The following WDR72 variants were observed in gnomAD, a reference collection of about 807,000 sequenced individuals.
WDR72 encodes WD repeat-containing protein 72.
In WDR72, 120 loss-of-function variants were observed where a neutral mutation model predicts 124.2. That is an observed-to-expected ratio of 0.97 (90% CI 0.83 to 1.12). WDR72 has a LOEUF of 1.12. Among genes scored for constraint, WDR72 ranks in the 50% most tolerant of loss-of-function variants. The probability of loss-of-function intolerance (pLI) is 0.00; values close to 1 mark genes in which losing one functional copy is unlikely to be tolerated. For synonymous variants in WDR72, 452 were observed against 441.7 expected (o/e 1.02, Z -0.29); for missense variants, 1,387 against 1,278.8 (o/e 1.08, Z -1.29).
chr15:53,678,638 C>T (rs1194964946), intron 13 of WDR72, among the ~76,000 whole-genome samples: 1 of 152,166 alleles, frequency 6.6e-6, no homozygotes, highest in African/African-American at 2.4e-5. Flanking sequence ...AGCCTTTGTC[C>T]TACCCAATTC....
chr15:53,626,070 T>C (rs1024137797), intron 14 of WDR72, among the ~76,000 whole-genome samples: 5 of 152,140 alleles, frequency 3.3e-5, no homozygotes, highest in African/African-American at 1.2e-4. Context: ...AAATTTGACC[T>C]GCCCAAGCTA....
intron 1 of WDR72, among the ~76,000 whole-genome samples, chr15:53,749,740 T>C (rs1037251469): frequency 6.6e-6 from 1 of 152,198 alleles, no homozygotes; most frequent in Admixed American, 6.5e-5. Context: ...AAAGTGCTAC[T>C]ACAGTGAATA....
rs1453460650 is a variant in WDR72 at position 53,703,969 on chromosome 15, CT to C, written c.1348+1018del. ...CTAGATAAAAACTGCTAGGTCTTTG[CT>C]TTTTCACTAACTTTTAATGGCAGCC... On this transcript the variant is annotated intron_variant, in intron 11 of 19. Transcript: ENST00000360509. Among the ~76,000 whole-genome samples, 4 of 152,062 alleles carry C rather than the reference CT, an allele frequency of 2.6e-5. No homozygotes were observed. In the East Asian group the frequency reaches 7.7e-4, roughly 29 times the overall value.
intron 14 of WDR72, among the ~76,000 whole-genome samples, chr15:53,660,012 GT>G (rs1313152166): frequency 2.6e-5 from 4 of 151,822 alleles, no homozygotes; most frequent in African/African-American, 9.7e-5. Context: ...TGTTTGAAAT[GT>G]AAAATAAAAA....
intron 14 of WDR72, among the ~76,000 whole-genome samples, chr15:53,644,752 G>C (rs1273529386): frequency 6.6e-6 from 1 of 151,956 alleles, no homozygotes; most frequent in Non-Finnish European, 1.5e-5. Context: ...CCAACGGGTC[G>C]GGTGGAGAGC....
At chr15:53,749,327 C>T (rs1015124794) in intron 1 of WDR72, among the ~76,000 whole-genome samples, 5 of 152,068 alleles carry the variant, frequency 3.3e-5, no homozygotes, top group African/African-American at 1.2e-4. Context: ...TTTATTATAT[C>T]TGTTGTGGTG....
At chr15:53,666,090 G>C (rs556713033) in intron 13 of WDR72, among the ~76,000 whole-genome samples, 1 of 152,250 alleles carries the variant, frequency 6.6e-6, no homozygotes, top group African/African-American at 2.4e-5. Flanking sequence ...CATAACTATG[G>C]AATATTTTAG....
Position 53,609,567 on chromosome 15 carries a change from C to T in WDR72, c.2898G>A (p.Glu966=). ...RNGKNESHVP[E]ADLSLLKLIS... is the part of the protein sequence containing the mutation. ...TTAGCTTCAAAAGTGAAAGGTCAGCCTCAGGTACATGGGATTCATTCTTAC... is the reference window on the plus strand; with the variant it reads ...TTAGCTTCAAAAGTGAAAGGTCAGCTTCAGGTACATGGGATTCATTCTTAC... Residue 966 remains glutamate, a synonymous_variant, in exon 17 of 20, where the codon GAG becomes GAA. Coordinates refer to ENST00000360509, the MANE Select transcript of WDR72 (RefSeq NM_182758.4). The T allele has an allele frequency of 6.2e-7, 1 of 1,613,456 alleles. No individual in the cohort carries two copies. The highest frequency in any genetic ancestry group is 8.5e-7 in the Non-Finnish European group (1 of 1,179,608).
At chr15:53,593,087 C>T (rs1174413210) in intron 18 of WDR72, among the ~76,000 whole-genome samples, 3 of 152,034 alleles carry the variant, frequency 2.0e-5, no homozygotes, top group Admixed American at 6.6e-5. Context: ...TTAACTCTCA[C>T]TTTATTGGAT....
intron 18 of WDR72, among the ~76,000 whole-genome samples, chr15:53,572,264 G>A (rs1254378811): frequency 6.6e-6 from 1 of 151,840 alleles, no homozygotes; most frequent in Non-Finnish European, 1.5e-5. Context: ...TGTGCTTTTG[G>A]GGTTGTATTA....
At chr15:53,732,301 CT>C (rs1236541646) in intron 2 of WDR72, among the ~76,000 whole-genome samples, 1 of 152,128 alleles carries the variant, frequency 6.6e-6, no homozygotes, top group Non-Finnish European at 1.5e-5. Flanking sequence ...CTTTAAAAGG[CT>C]TCTTAATGAG....
intron 18 of WDR72, among the ~76,000 whole-genome samples, chr15:53,550,503 A>G (rs1375919031): frequency 6.6e-6 from 1 of 152,210 alleles, no homozygotes; most frequent in Non-Finnish European, 1.5e-5. Flanking sequence ...TCTGAGCATA[A>G]GATTATAACA....
chr15:53,741,115 A>G (rs910915522), intron 1 of WDR72, among the ~76,000 whole-genome samples: 3 of 152,208 alleles, frequency 2.0e-5, no homozygotes, highest in African/African-American at 7.2e-5. Flanking sequence ...TCATTTGTCT[A>G]TTGCTATAAT....
intron 18 of WDR72, among the ~76,000 whole-genome samples, chr15:53,573,924 C>G (rs1894659052): frequency 1.3e-5 from 2 of 152,154 alleles, no homozygotes; most frequent in African/African-American, 2.4e-5. Context: ...TTAATTGATT[C>G]ACATATCTCA....
chr15:53,520,231 T>C (rs2140202724), intron 19 of WDR72, among the ~76,000 whole-genome samples: 1 of 152,258 alleles, frequency 6.6e-6, no homozygotes, highest in Middle Eastern at 3.4e-3. Flanking sequence ...TGTGTTTGCA[T>C]GGAAAATACT....
chr15:53,739,726 A>T (rs985862754), intron 1 of WDR72, among the ~76,000 whole-genome samples: 5 of 152,040 alleles, frequency 3.3e-5, no homozygotes, highest in African/African-American at 1.2e-4. Context: ...AGACAACGAA[A>T]ATCACCATAC....
intron 9 of WDR72, among the ~76,000 whole-genome samples, chr15:53,709,127 T>C (rs1232043234): frequency 1.3e-5 from 2 of 152,196 alleles, no homozygotes; most frequent in African/African-American, 4.8e-5. Context: ...CATCTCTTCA[T>C]CCTACCACAA....
chr15:53,518,035 A>AT (rs144036204), intron 19 of WDR72, among the ~76,000 whole-genome samples: 5,296 of 151,202 alleles, frequency 0.035, 250 homozygotes, highest in African/African-American at 0.11. Flanking sequence ...TAGCTTGGGG[A>AT]TTTTTTTTTA....
chr15:53,533,566 G>A (rs1400682227), intron 18 of WDR72, among the ~76,000 whole-genome samples: 3 of 152,110 alleles, frequency 2.0e-5, no homozygotes, highest in Admixed American at 1.3e-4. Flanking sequence ...AGCAATGAAA[G>A]ATTCTGGAGC....
Sources: gnomAD v4.1 joint callset for allele counts (sites outside exome capture counted in the v4.1 genomes callset) on GRCh38, gnomAD v4.1.1 for gene constraint, MANE v1.5 for transcripts, NCBI Gene and HGNC (gene_info 2026-07-23, HGNC 2026-07-21) for gene names.